The following NIBAN2 variants were observed in gnomAD, a reference collection of about 807,000 sequenced individuals.
NIBAN2 encodes niban apoptosis regulator 2.
NIBAN2 carries 36 observed loss-of-function variants against 81.8 expected under a neutral mutation model. The observed-to-expected ratio is 0.44, with a 90% CI of 0.34 to 0.58. NIBAN2 has a LOEUF of 0.58. Ranked by LOEUF, NIBAN2 falls within the 20% of genes least tolerant of loss-of-function variation. The pLI, the probability that NIBAN2 is intolerant of heterozygous loss-of-function variation, is 0.02. For synonymous variants in NIBAN2, 445 were observed against 441.6 expected, an observed-to-expected ratio of 1.01 and a Z score of -0.10; for missense variants, 897 against 1,014.1, an observed-to-expected ratio of 0.88 and a Z score of 1.57.
intron 2 of NIBAN2, among the ~76,000 whole-genome samples, chr9:127,530,937 T>C (rs966940094): frequency 6.6e-6 from 1 of 151,666 alleles, no homozygotes; most frequent in East Asian, 1.9e-4. Flanking sequence ...CCAGCACTTT[T>C]GGGGAGCTGA....
intron 2 of NIBAN2, among the ~76,000 whole-genome samples, chr9:127,530,731 A>T (rs1402431860): frequency 6.6e-6 from 1 of 152,226 alleles, no homozygotes; most frequent in Non-Finnish European, 1.5e-5. Context: ...CAGATGAGTA[A>T]ACTGAGGCTC....
At chr9:127,560,280 C>T (rs1361409088) in intron 1 of NIBAN2, among the ~76,000 whole-genome samples, 2 of 152,170 alleles carry the variant, frequency 1.3e-5, no homozygotes, top group African/African-American at 2.4e-5. Context: ...CCCAGCCCTG[C>T]ACAGCACCAT....
At position 127,508,583 on chromosome 9, in the gene NIBAN2, A is replaced by G. The variant is rs111832287; in HGVS notation, c.1318-45T>C. On this transcript the variant is annotated intron_variant, in intron 10 of 13. Coordinates refer to ENST00000373312, the MANE Select transcript of NIBAN2 (RefSeq NM_022833.4). This position sits in a 1 kb window ranked among gnomAD's most constrained non-coding sequence, Gnocchi z 6.4. ...CATGTGAAGCCCCCAGGGTGACCAC[A>G]GCCCCTTCCTGGGTGCCGCTGAGGG... 2.2e-5 allele frequency: 34 copies of G among 1,517,954 alleles called. 1 individual carries two copies. In the African/African-American group the frequency reaches 2.3e-4, roughly 10 times the overall value. 94.0% of individuals were successfully genotyped at this position (1,517,954 alleles called of 1,614,324 possible).
intron 5 of NIBAN2, among the ~76,000 whole-genome samples, chr9:127,522,024 G>T (rs75249885): frequency 2.0e-5 from 3 of 152,260 alleles, no homozygotes; most frequent in Admixed American, 2.0e-4. Context: ...TGCCAGGCCA[G>T]GTCAGCCGTT....
At chr9:127,565,443 G>C (rs1837841655) in intron 1 of NIBAN2, among the ~76,000 whole-genome samples, 1 of 152,174 alleles carries the variant, frequency 6.6e-6, no homozygotes, top group Non-Finnish European at 1.5e-5. Flanking sequence ...AAAAACCGCT[G>C]AAGTGTACAC....
intron 1 of NIBAN2, among the ~76,000 whole-genome samples, chr9:127,547,368 T>C (rs986458823): frequency 2.6e-5 from 4 of 151,658 alleles, no homozygotes; most frequent in Non-Finnish European, 5.9e-5. Context: ...AATACAAAAA[T>C]TAGCTAGGCA....
intron 1 of NIBAN2, chr9:127,578,793 G>A (rs925356738): frequency 3.6e-6 from 3 of 825,434 alleles, no homozygotes; most frequent in Non-Finnish European, 5.7e-6. Context: ...GGAGTTTGAG[G>A]CTGCATTGAG....
intron 1 of NIBAN2, among the ~76,000 whole-genome samples, chr9:127,551,530 AATAAATAAAAAT>A (rs985644964): frequency 6.6e-6 from 1 of 151,556 alleles, no homozygotes; most frequent in African/African-American, 2.4e-5. Context: ...CTCAAAAATA[AATAAATAAAAAT>A]ATAAATAAAT....
In NIBAN2 at chr9:127,508,511, C is replaced by T. The variant is rs1227108228; in HGVS notation, c.1345G>A (p.Glu449Lys). ...CCCAGCTCCTGGTGCAGGAGGGTCT[C>T]GAACGTATACACGGCATTGTCCATT... ...EQMDNAVYTF[E>K]TLLHQELGKG... The change falls in exon 11 of 14, where the codon GAG becomes AAG. Residue 449 changes from glutamate (E) to lysine (K), a missense_variant. Coordinates refer to ENST00000373312, the MANE Select transcript of NIBAN2 (RefSeq NM_022833.4). The surrounding 1 kb of genome is among the most constrained non-coding windows in gnomAD (Gnocchi z 6.4). 16 of 1,613,780 alleles carry T rather than the reference C, an allele frequency of 9.9e-6. No homozygotes were observed. The highest frequency in any genetic ancestry group is 2.2e-5 in the East Asian group (1 of 44,868).
chr9:127,539,488 T>A, intron 1 of NIBAN2, among the ~76,000 whole-genome samples: 1 of 152,174 alleles, frequency 6.6e-6, no homozygotes, highest in East Asian at 1.9e-4. Context: ...GACTGAGGTC[T>A]AGGGTTTCCA....
intron 1 of NIBAN2, among the ~76,000 whole-genome samples, chr9:127,543,105 CCGTGTGACCCTG>C (rs1451761493): frequency 6.6e-6 from 1 of 152,222 alleles, no homozygotes; most frequent in Non-Finnish European, 1.5e-5. Flanking sequence ...ACAATGACAG[CCGTGTGACCCTG>C]CGTGAGCCAG....
At chr9:127,556,161 C>A (rs948494246) in intron 1 of NIBAN2, among the ~76,000 whole-genome samples, 3 of 152,200 alleles carry the variant, frequency 2.0e-5, no homozygotes, top group African/African-American at 7.2e-5. Context: ...GGCTCAAGGA[C>A]AAGAATGAAG....
intron 2 of NIBAN2, among the ~76,000 whole-genome samples, chr9:127,530,647 A>C (rs981349617): frequency 6.6e-6 from 1 of 152,224 alleles, no homozygotes; most frequent in Non-Finnish European, 1.5e-5. Flanking sequence ...GCAGATCATG[A>C]TGGAGCCAGT....
chr9:127,578,642 G>A (rs1373952085), intron 1 of NIBAN2, among the ~76,000 whole-genome samples: 2 of 151,326 alleles, frequency 1.3e-5, no homozygotes, highest in African/African-American at 2.4e-5. Context: ...CAGTCCAGCC[G>A]GGGTGACAAG....
chr9:127,564,534 A>G (rs1837824856), intron 1 of NIBAN2, among the ~76,000 whole-genome samples: 1 of 152,148 alleles, frequency 6.6e-6, no homozygotes, highest in Non-Finnish European at 1.5e-5. Context: ...ATGTCCACCA[A>G]TTTACCAAGT....
At position 127,517,646 on chromosome 9, in the gene NIBAN2, T is replaced by C. The variant is rs1306290190; in HGVS notation, c.705+180A>G. Among the ~76,000 whole-genome samples, 2 of 152,168 alleles carry C rather than the reference T, an allele frequency of 1.3e-5. No homozygotes were observed. The highest frequency in any genetic ancestry group is 2.9e-5 in the Non-Finnish European group (2 of 68,024). On this transcript the variant is annotated intron_variant, in intron 6 of 13. Coordinates refer to ENST00000373312, the MANE Select transcript of NIBAN2 (RefSeq NM_022833.4). This position sits in a 1 kb window ranked among gnomAD's most constrained non-coding sequence, Gnocchi z 4.0. The stretch of plus-strand genomic sequence containing the variant: ...AGGTGCTCAGATGCCCAGTAAGTGA[T>C]GAATAAGACAGCGAGTATCTCCACG...
chr9:127,518,690 T>C (rs1836879224), intron 5 of NIBAN2, among the ~76,000 whole-genome samples: 1 of 152,212 alleles, frequency 6.6e-6, no homozygotes, highest in Admixed American at 6.5e-5. Flanking sequence ...AATGGAACAA[T>C]GGCCTCACAG....
At chr9:127,561,030 A>G (rs1837764118) in intron 1 of NIBAN2, 2 of 762,936 alleles carry the variant, frequency 2.6e-6, no homozygotes, top group Non-Finnish European at 3.2e-6. Context: ...TTACAAGTCT[A>G]GTTCTTGACA....
At chr9:127,520,097 G>A (rs980197952) in intron 5 of NIBAN2, among the ~76,000 whole-genome samples, 1 of 152,112 alleles carries the variant, frequency 6.6e-6, no homozygotes, top group Non-Finnish European at 1.5e-5. Flanking sequence ...CAAGTTTCAG[G>A]GTCACCCCTC....
Sources: allele counts gnomAD v4.1 joint callset (sites outside exome capture counted in the v4.1 genomes callset), GRCh38; gene constraint gnomAD v4.1.1; non-coding constraint Gnocchi (gnomAD v3.1); transcripts MANE v1.5; gene names NCBI Gene and HGNC (gene_info 2026-07-23, HGNC 2026-07-21).